Variants in ADAMTSL1 observed in about 807,000 individuals in gnomAD.
ADAMTSL1 encodes the protein ADAMTS like 1.
ADAMTSL1 carries 126 observed loss-of-function variants against 201.8 expected under a neutral mutation model. The observed-to-expected ratio is 0.62, with a 90% CI of 0.54 to 0.72. ADAMTSL1 has a LOEUF of 0.72. ADAMTSL1 is among the 30% of genes least tolerant of loss of function. The pLI is 0.00. For synonymous variants in ADAMTSL1, 1,121 were observed against 903.4 expected (o/e 1.24, Z -4.32); for missense variants, 2,679 against 2,277.8 (o/e 1.18, Z -3.59).
chr9:18,097,081 C>G (rs891201189), intron 1 of ADAMTSL1, among the ~76,000 whole-genome samples: 35 of 152,112 alleles, frequency 2.3e-4, no homozygotes, highest in African/African-American at 8.2e-4. Context: ...GTCCACCTTC[C>G]TAGTCAGTTA....
chr9:17,920,355 G>A (rs575270816), intron 1 of ADAMTSL1, among the ~76,000 whole-genome samples: 18 of 152,170 alleles, frequency 1.2e-4, no homozygotes, highest in African/African-American at 3.4e-4. Flanking sequence ...CTAAGACTTC[G>A]CTTCTTTTAT....
intron 1 of ADAMTSL1, among the ~76,000 whole-genome samples, chr9:17,981,720 G>C (rs577015035): frequency 1.1e-4 from 17 of 152,242 alleles, no homozygotes; most frequent in African/African-American, 3.9e-4. Flanking sequence ...ATCTATTCAA[G>C]GTTCACTGTA....
At chr9:18,674,612 G>C (rs908715935) in intron 9 of ADAMTSL1, among the ~76,000 whole-genome samples, 1 of 151,546 alleles carries the variant, frequency 6.6e-6, no homozygotes, top group African/African-American at 2.4e-5. Flanking sequence ...TTATATCAGA[G>C]GAATGGGTAA....
intron 2 of ADAMTSL1, among the ~76,000 whole-genome samples, chr9:18,194,747 TCC>T (rs1432047791): frequency 6.6e-6 from 1 of 152,036 alleles, no homozygotes; most frequent in African/African-American, 2.4e-5. Flanking sequence ...GAAGCAGTGC[TCC>T]CCTGTCCTGC....
At chr9:18,157,614 T>G (rs1353502448) in intron 1 of ADAMTSL1, among the ~76,000 whole-genome samples, 1 of 152,008 alleles carries the variant, frequency 6.6e-6, no homozygotes, top group African/African-American at 2.4e-5. Context: ...GCATGTTCTA[T>G]CTCACTTCTT....
At chr9:18,433,974 CTG>C (rs1264886022) in intron 2 of ADAMTSL1, among the ~76,000 whole-genome samples, 1 of 152,170 alleles carries the variant, frequency 6.6e-6, no homozygotes, top group East Asian at 1.9e-4. Context: ...CTGTTAGAAA[CTG>C]TAAATTTTAG....
chr9:18,419,578 T>C (rs986570333), intron 2 of ADAMTSL1, among the ~76,000 whole-genome samples: 5 of 152,300 alleles, frequency 3.3e-5, no homozygotes, highest in Non-Finnish European at 5.9e-5. Context: ...ATAAACAGAC[T>C]GGTACCTTTG....
At chr9:18,478,150 T>A (rs1821550114) in intron 1 of ADAMTSL1, among the ~76,000 whole-genome samples, 1 of 152,126 alleles carries the variant, frequency 6.6e-6, no homozygotes, top group Admixed American at 6.6e-5. Flanking sequence ...GATTCACATC[T>A]CCTAAGTTGA....
intron 7 of ADAMTSL1, among the ~76,000 whole-genome samples, chr9:18,651,666 C>T (rs1490838979): frequency 6.6e-6 from 1 of 152,116 alleles, no homozygotes; most frequent in African/African-American, 2.4e-5. Context: ...GGCATCATTC[C>T]AATTGTTACC....
intron 2 of ADAMTSL1, among the ~76,000 whole-genome samples, chr9:18,319,663 C>T (rs190852591): frequency 3.3e-5 from 5 of 152,250 alleles, no homozygotes; most frequent in Admixed American, 6.5e-5. Context: ...AAGAGCACTA[C>T]GTTTGCTGAG....
At chr9:17,983,148 C>A (rs1818788689) in intron 1 of ADAMTSL1, among the ~76,000 whole-genome samples, 1 of 141,230 alleles carries the variant, frequency 7.1e-6, no homozygotes, top group Admixed American at 7.9e-5. Context: ...CTGCTCACTG[C>A]AACCTCCAGC....
chr9:18,087,353 G>T (rs2131800594), intron 1 of ADAMTSL1, among the ~76,000 whole-genome samples: 1 of 152,182 alleles, frequency 6.6e-6, no homozygotes, highest in Non-Finnish European at 1.5e-5. Flanking sequence ...AATTAAGTTT[G>T]TGCAATAATT....
intron 3 of ADAMTSL1, among the ~76,000 whole-genome samples, chr9:18,572,909 G>C (rs1372756500): frequency 6.6e-6 from 1 of 152,158 alleles, no homozygotes; most frequent in African/African-American, 2.4e-5. Flanking sequence ...GTCGACGACA[G>C]TCTTCCATGG....
In ADAMTSL1 at chr9:18,661,937, T is replaced by C; in HGVS notation, c.949T>C (p.Tyr317His). The change falls in exon 9 of 29, where the codon TAT (tyrosine) becomes CAT (histidine). Residue 317 changes from tyrosine (Y) to histidine (H), a missense_variant and splice_region_variant. By Grantham distance (83) the Tyr-to-His change is moderately conservative. Coordinates refer to ENST00000380548, the MANE Select transcript of ADAMTSL1 (RefSeq NM_001040272.6). ...GCCTGGATGGTTTGATACTACAGGT[T>C]ATCAGCTGACATCGGCTGAGTGCTA... ...FPCSATCGGG[Y>H]QLTSAECYDL... is the part of the protein sequence containing the mutation. 1.2e-6 allele frequency: 2 copies of C among 1,612,720 alleles called. No homozygotes were observed. The highest frequency in any genetic ancestry group is 1.7e-6 in the Non-Finnish European group (2 of 1,179,496).
intron 2 of ADAMTSL1, among the ~76,000 whole-genome samples, chr9:18,236,271 T>A (rs1830844834): frequency 6.6e-6 from 1 of 152,092 alleles, no homozygotes; most frequent in African/African-American, 2.4e-5. Flanking sequence ...GGGGTTTCAC[T>A]AAGTTGGCCA....
chr9:18,640,341 G>T (rs901635756), intron 7 of ADAMTSL1, among the ~76,000 whole-genome samples: 110 of 152,244 alleles, frequency 7.2e-4, no homozygotes, highest in African/African-American at 2.5e-3. Flanking sequence ...GTAGTTAAAT[G>T]ATTTCTGTTA....
intron 3 of ADAMTSL1, among the ~76,000 whole-genome samples, chr9:18,542,120 C>A (rs1321638796): frequency 6.6e-6 from 1 of 152,000 alleles, no homozygotes; most frequent in Non-Finnish European, 1.5e-5. Flanking sequence ...ATTCTATATG[C>A]TTTTATAGTG....
intron 1 of ADAMTSL1, among the ~76,000 whole-genome samples, chr9:18,026,461 T>C (rs1199235435): frequency 6.6e-6 from 1 of 152,076 alleles, no homozygotes; most frequent in East Asian, 1.9e-4. Flanking sequence ...TCTATTGAGA[T>C]GATAATGTGG....
At chr9:18,035,065 T>C (rs1312089977) in intron 1 of ADAMTSL1, among the ~76,000 whole-genome samples, 1 of 152,236 alleles carries the variant, frequency 6.6e-6, no homozygotes, top group Non-Finnish European at 1.5e-5. Flanking sequence ...ACTTTTTCTA[T>C]AAGAAGTTAC....
Sources: gnomAD v4.1 joint callset for allele counts (sites outside exome capture counted in the v4.1 genomes callset) on GRCh38, gnomAD v4.1.1 for gene constraint, MANE v1.5 for transcripts, NCBI Gene and HGNC (gene_info 2026-07-23, HGNC 2026-07-21) for gene names.